MAGI2: variants seen among roughly 807,000 people sequenced by gnomAD.
MAGI2 encodes the protein membrane associated guanylate kinase, WW and PDZ domain containing 2, also known as membrane-associated guanylate kinase, WW and PDZ domain-containing protein 2.
MAGI2 carries 35 observed loss-of-function variants against 133.3 expected under a neutral mutation model. That is an observed-to-expected ratio of 0.26 (90% CI 0.20 to 0.35). The LOEUF (loss-of-function observed/expected upper bound fraction) is 0.35. Among genes scored for constraint, MAGI2 ranks in the 10% least tolerant of loss-of-function variants. The pLI is 1.00. For missense variants in MAGI2, 1,636 were observed against 1,863.4 expected, an observed-to-expected ratio of 0.88 and a Z score of 2.25; for synonymous variants, 729 against 710.6, an observed-to-expected ratio of 1.03 and a Z score of -0.41.
chr7:78,624,193 T>A (rs1311362402), intron 3 of MAGI2, among the ~76,000 whole-genome samples: 1 of 152,116 alleles, frequency 6.6e-6, no homozygotes, highest in Admixed American at 6.6e-5. Context: ...AAAAATTTTT[T>A]AAGTTCCTTG....
chr7:79,137,228 C>T (rs1473185136), intron 1 of MAGI2, among the ~76,000 whole-genome samples: 1 of 152,038 alleles, frequency 6.6e-6, no homozygotes, highest in Non-Finnish European at 1.5e-5. Flanking sequence ...CTCAGTTTAC[C>T]TAAAGTTAAT....
chr7:78,282,014 A>G (rs1384184637), intron 9 of MAGI2, among the ~76,000 whole-genome samples: 1 of 139,514 alleles, frequency 7.2e-6, no homozygotes. Flanking sequence ...GGAATCAGAA[A>G]ACATGTTTCT....
rs190297735 is a variant in MAGI2 at position 78,223,931 on chromosome 7, A to G, written c.2048-22738T>C. On this transcript the variant is annotated intron_variant, in intron 10 of 21. Transcript: ENST00000354212. ...GCATGTAGGGCACTTTTAAAATAAA[A>G]TTGCTCCATGTTTAAGCTTACCGAC... Among the ~76,000 whole-genome samples, 4 of 152,312 alleles carry G rather than the reference A, an allele frequency of 2.6e-5. No individual in the cohort carries two copies. In the East Asian group the frequency reaches 5.8e-4, roughly 22 times the overall value.
intron 2 of MAGI2, among the ~76,000 whole-genome samples, chr7:78,934,741 A>G (rs1477921211): frequency 2.0e-5 from 3 of 152,130 alleles, no homozygotes; most frequent in African/African-American, 7.2e-5. Context: ...CTATTCCACA[A>G]TCTGAAAAAA....
intron 9 of MAGI2, among the ~76,000 whole-genome samples, chr7:78,313,629 CA>C (rs11351014): frequency 0.26 from 38,390 of 145,384 alleles, 5,098 homozygotes; most frequent in African/African-American, 0.31. Context: ...GCTATTGGTA[CA>C]AAAAAAAAAG....
chr7:78,529,668 G>GTTTTTTTGTTTTTTTTTTTTTTTT (rs1797279995), intron 3 of MAGI2, among the ~76,000 whole-genome samples: 1 of 57,382 alleles, frequency 1.7e-5, no homozygotes, highest in Non-Finnish European at 3.5e-5. Context: ...AAAGGAGATG[G>GTTTTTTTGTTTTTTTTTTTTTTTT]TTTTTTTTTT....
At chr7:79,152,421 T>C (rs1057457836) in intron 1 of MAGI2, among the ~76,000 whole-genome samples, 10 of 152,174 alleles carry the variant, frequency 6.6e-5, no homozygotes, top group Admixed American at 1.3e-4. Context: ...TAAATAACTT[T>C]AAAAAGTACA....
chr7:78,160,186 T>C lies in MAGI2; in HGVS notation c.2684A>G (p.Asn895Ser), dbSNP rs1410648180. The C allele has an allele frequency of 6.2e-7, 1 of 1,612,642 alleles. No homozygotes were observed. Among genetic ancestry groups the C allele is most frequent in the South Asian group, 1.1e-5 (1 of 90,524 alleles). The change falls in exon 16 of 22, where the codon AAC (asparagine) becomes AGC (serine). Residue 895 changes from asparagine to serine, a missense_variant. Around this residue, in one of 5 missense-constraint regions of MAGI2, gnomAD observed 920 missense variants for 1,093.5 expected, o/e 0.84. Transcript: ENST00000354212. ...SPRSDYATYT[N>S]SNHAAPSSNA... is the part of the protein sequence containing the mutation. ...GCTACTGGGGGCAGCGTGGTTGCTG[T>C]TGGTGTAGGTTGCGTAGTCACTGCG...
chr7:78,325,434 A>C (rs1788487172), intron 9 of MAGI2, among the ~76,000 whole-genome samples: 2 of 152,166 alleles, frequency 1.3e-5, no homozygotes, highest in Admixed American at 1.3e-4. Flanking sequence ...AATTAGGTGA[A>C]AGTGATGTAA....
intron 1 of MAGI2, among the ~76,000 whole-genome samples, chr7:79,225,744 C>G (rs1830795380): frequency 6.6e-6 from 1 of 152,138 alleles, no homozygotes; most frequent in Non-Finnish European, 1.5e-5. Flanking sequence ...ACTGAGAATT[C>G]TCATTGGTCA....
At chr7:78,602,455 C>T (rs554920154) in intron 3 of MAGI2, among the ~76,000 whole-genome samples, 5 of 152,296 alleles carry the variant, frequency 3.3e-5, no homozygotes, top group African/African-American at 9.6e-5. Context: ...CCACCATACC[C>T]GGCCGATTAA....
chr7:78,392,679 T>C (rs944519479), intron 6 of MAGI2, among the ~76,000 whole-genome samples: 1 of 152,212 alleles, frequency 6.6e-6, no homozygotes, highest in Non-Finnish European at 1.5e-5. Context: ...ATTTCGCTCC[T>C]GTTGCTTAGG....
rs1491396765 is a variant in MAGI2, at chr7:78,573,312, A to ATTTATAT, written c.539-51668_539-51667insATATAAA. On this transcript the variant is annotated intron_variant, in intron 3 of 21. Transcript: ENST00000354212. ...TATAAATATATATATTTATATATAT[A>ATTTATAT]AATATATAAATATATATATAAATAT... Among the ~76,000 whole-genome samples, 182 of 50,768 alleles carry ATTTATAT rather than the reference A, an allele frequency of 3.6e-3. 5 individuals are homozygous for ATTTATAT. The highest frequency in any genetic ancestry group is 9.2e-3 in the East Asian group (19 of 2,064). 33.3% of individuals were successfully genotyped at this position (50,768 alleles called of 152,430 possible). A position where few individuals can be genotyped will look rare whatever the true frequency, so the allele number is the denominator to read the frequency against.
intron 3 of MAGI2, among the ~76,000 whole-genome samples, chr7:78,561,784 G>A (rs1043817405): frequency 6.6e-6 from 1 of 152,164 alleles, no homozygotes; most frequent in African/African-American, 2.4e-5. Flanking sequence ...CATGTATCTG[G>A]GGGATGGCAG....
At chr7:79,367,249 A>C (rs1389025288) in intron 1 of MAGI2, among the ~76,000 whole-genome samples, 2 of 152,268 alleles carry the variant, frequency 1.3e-5, no homozygotes, top group Non-Finnish European at 2.9e-5. Context: ...GTGGAAATGC[A>C]TGGATTAAAC....
chr7:79,362,338 T>C (rs1842424267), intron 1 of MAGI2, among the ~76,000 whole-genome samples: 1 of 151,956 alleles, frequency 6.6e-6, no homozygotes, highest in Admixed American at 6.6e-5. Flanking sequence ...AAATGGACAA[T>C]CTGAAAACTC....
At chr7:78,182,827 A>G (rs773244090) in intron 13 of MAGI2, among the ~76,000 whole-genome samples, 11 of 152,084 alleles carry the variant, frequency 7.2e-5, no homozygotes, top group Non-Finnish European at 8.8e-5. Context: ...TGGCTCTCTT[A>G]TTTTTGGGTG....
intron 2 of MAGI2, among the ~76,000 whole-genome samples, chr7:78,770,036 A>T (rs534588402): frequency 6.6e-6 from 1 of 152,338 alleles, no homozygotes; most frequent in Admixed American, 6.5e-5. Context: ...AATAGAGCAG[A>T]TTCTTGACCA....
intron 1 of MAGI2, among the ~76,000 whole-genome samples, chr7:79,256,601 T>C (rs187195187): frequency 2.6e-4 from 39 of 150,416 alleles, no homozygotes; most frequent in African/African-American, 8.5e-4. Context: ...GGTGATCCTT[T>C]CACCTCGATC....
Sources: allele counts gnomAD v4.1 joint callset (sites outside exome capture counted in the v4.1 genomes callset), GRCh38; gene constraint gnomAD v4.1.1; regional missense constraint gnomAD v4.1.1; transcripts MANE v1.5; gene names NCBI Gene and HGNC (gene_info 2026-07-23, HGNC 2026-07-21).